Variants in TNFSF4 observed in about 807,000 individuals in gnomAD.
TNFSF4 encodes TNF superfamily member 4, also known as tumor necrosis factor ligand superfamily member 4.
TNFSF4 carries 4 observed loss-of-function variants against 7.3 expected under a neutral mutation model. The ratio of observed to expected loss-of-function variants is 0.55; its 90% CI spans 0.27 to 1.25. The LOEUF (loss-of-function observed/expected upper bound fraction) is 1.25, where lower values mean the gene tolerates loss of function less well. Among genes scored for constraint, TNFSF4 ranks in the 50% most tolerant of loss-of-function variants. The pLI, the probability that TNFSF4 is intolerant of heterozygous loss-of-function variation, is 0.12. For synonymous variants in TNFSF4, 76 were observed against 83.7 expected (o/e 0.91, Z 0.50); for missense variants, 181 against 208.8 (o/e 0.87, Z 0.82).
At chr1:173,381,605 C>T in the TNFSF4 span, among the ~76,000 whole-genome samples, 2 of 152,308 alleles carry the variant, frequency 1.3e-5, no homozygotes, top group Admixed American at 1.3e-4. Flanking sequence ...TGAACCAACC[C>T]ATTGGCCTTT....
the TNFSF4 span, chr1:173,174,652 A>T: frequency 1.3e-5 from 2 of 152,252 alleles, no homozygotes; most frequent in Non-Finnish European, 2.9e-5. Flanking sequence ...ATGAGAACTC[A>T]CTCAGTATCA....
At chr1:173,326,918 G>A in the TNFSF4 span, among the ~76,000 whole-genome samples, 3 of 152,232 alleles carry the variant, frequency 2.0e-5, no homozygotes, top group Admixed American at 6.5e-5. Context: ...GGAAGAATCA[G>A]TATCGTGAAA....
At chr1:173,317,543 A>G in the TNFSF4 span, among the ~76,000 whole-genome samples, 2 of 152,236 alleles carry the variant, frequency 1.3e-5, no homozygotes, top group African/African-American at 4.8e-5. Context: ...TATTTAAAAG[A>G]AAGAAACTAG....
At chr1:173,299,313 C>A in the TNFSF4 span, among the ~76,000 whole-genome samples, 2 of 151,852 alleles carry the variant, frequency 1.3e-5, no homozygotes, top group Admixed American at 1.3e-4. Flanking sequence ...TGCCCAAGAT[C>A]ATGGCTCACT....
At chr1:173,448,264 A>G in the TNFSF4 span, among the ~76,000 whole-genome samples, 44 of 152,356 alleles carry the variant, frequency 2.9e-4, no homozygotes, top group Non-Finnish European at 4.9e-4. Flanking sequence ...TCCAGTTGAC[A>G]TAATTTACCT....
the TNFSF4 span, among the ~76,000 whole-genome samples, chr1:173,241,710 C>T: frequency 6.6e-6 from 1 of 152,172 alleles, no homozygotes; most frequent in Non-Finnish European, 1.5e-5. Flanking sequence ...ACAGGGACAA[C>T]AGAGTGAGCC....
the TNFSF4 span, among the ~76,000 whole-genome samples, chr1:173,371,273 G>A: frequency 6.6e-6 from 1 of 152,214 alleles, no homozygotes; most frequent in Non-Finnish European, 1.5e-5. Context: ...CTCCTCAGTT[G>A]TAATTGACAG....
At chr1:173,377,144 C>T in the TNFSF4 span, among the ~76,000 whole-genome samples, 1 of 152,170 alleles carries the variant, frequency 6.6e-6, no homozygotes, top group Non-Finnish European at 1.5e-5. Context: ...AGACCAAGAA[C>T]CCACCGGAAG....
chr1:173,397,219 T>C, the TNFSF4 span, among the ~76,000 whole-genome samples: 1 of 152,162 alleles, frequency 6.6e-6, no homozygotes, highest in Non-Finnish European at 1.5e-5. Flanking sequence ...ACCTGTATCA[T>C]AAAAACAGAG....
the TNFSF4 span, among the ~76,000 whole-genome samples, chr1:173,318,965 A>G: frequency 8.5e-5 from 13 of 152,176 alleles, no homozygotes. Context: ...TTTGTGCCCC[A>G]GTGATGCCTG....
At chr1:173,394,339 A>C in the TNFSF4 span, among the ~76,000 whole-genome samples, 1 of 151,922 alleles carries the variant, frequency 6.6e-6, no homozygotes, top group Non-Finnish European at 1.5e-5. Context: ...TGATTGTTTC[A>C]TGTTCTAAGC....
chr1:173,211,011 T>G (rs750829791), upstream of TNFSF4, among the ~76,000 whole-genome samples: 1 of 152,250 alleles, frequency 6.6e-6, no homozygotes, highest in Non-Finnish European at 1.5e-5. Flanking sequence ...AGGGGGTGCC[T>G]TGTTCTAAAA....
the TNFSF4 span, among the ~76,000 whole-genome samples, chr1:173,339,157 T>A: frequency 6.6e-6 from 1 of 152,074 alleles, no homozygotes. Flanking sequence ...TTCAGGAGGA[T>A]CACTTGAGCC....
the TNFSF4 span, among the ~76,000 whole-genome samples, chr1:173,282,545 A>AC: frequency 6.6e-6 from 1 of 150,882 alleles, no homozygotes; most frequent in Non-Finnish European, 1.5e-5. Flanking sequence ...TGCAACCTCC[A>AC]CCTCCCAGGT....
chr1:173,433,481 G>T, the TNFSF4 span, among the ~76,000 whole-genome samples: 2 of 151,780 alleles, frequency 1.3e-5, no homozygotes, highest in Admixed American at 6.6e-5. Context: ...GAACTCTTGA[G>T]TCCAGGAGTT....
the TNFSF4 span, among the ~76,000 whole-genome samples, chr1:173,428,951 G>C: frequency 1.3e-5 from 2 of 151,902 alleles, no homozygotes; most frequent in African/African-American, 2.4e-5. Context: ...AGGTTGCAGT[G>C]AGCCGAGATT....
At chr1:173,363,150 C>A in the TNFSF4 span, 1 of 322,764 alleles carries the variant, frequency 3.1e-6, no homozygotes. Context: ...AGGGCCTGCA[C>A]TGTGGAAAGT....
At chr1:173,182,603 A>C (rs1649074367), downstream of TNFSF4, among the ~76,000 whole-genome samples, 1 of 152,258 alleles carries the variant, frequency 6.6e-6, no homozygotes. Flanking sequence ...AACAATTTAT[A>C]TAAATGGCTA....
At chr1:173,204,527 T>A (rs1650092069) in intron 1 of TNFSF4, among the ~76,000 whole-genome samples, 1 of 152,206 alleles carries the variant, frequency 6.6e-6, no homozygotes, top group Non-Finnish European at 1.5e-5. Flanking sequence ...GCCATTCATG[T>A]AGGCAATTAT....
Sources: allele counts gnomAD v4.1 joint callset (sites outside exome capture counted in the v4.1 genomes callset), GRCh38; gene constraint gnomAD v4.1.1; transcripts MANE v1.5; gene names NCBI Gene and HGNC (gene_info 2026-07-23, HGNC 2026-07-21).